Variants in CXADR observed in about 807,000 individuals in gnomAD.
CXADR encodes the protein CXADR cell adhesion molecule, also known as coxsackievirus and adenovirus receptor.
A neutral mutation model predicts 40.3 loss-of-function variants in CXADR; 20 were observed. That is an observed-to-expected ratio of 0.50 (90% CI 0.35 to 0.72). The LOEUF is 0.72. CXADR is among the 30% of genes least tolerant of loss of function. CXADR has a pLI of 0.01. For synonymous variants in CXADR, 150 were observed against 161.3 expected, an observed-to-expected ratio of 0.93 and a Z score of 0.53; for missense variants, 332 against 449.1, an observed-to-expected ratio of 0.74 and a Z score of 2.36.
chr21:17,627,776 T>C, the CXADR span, among the ~76,000 whole-genome samples: 1 of 152,164 alleles, frequency 6.6e-6, no homozygotes, highest in Non-Finnish European at 1.5e-5. Context: ...AGACAAAAGT[T>C]CAGAGCCAGT....
intron 7 of CXADR, among the ~76,000 whole-genome samples, chr21:17,588,055 G>A (rs1163247431): frequency 1.2e-4 from 18 of 151,914 alleles, no homozygotes; most frequent in Non-Finnish European, 1.9e-4. Context: ...GATATGTGGC[G>A]TTATTTCTGA....
chr21:17,521,306 G>A (rs1293702479), intron 1 of CXADR, among the ~76,000 whole-genome samples: 2 of 152,180 alleles, frequency 1.3e-5, no homozygotes, highest in Non-Finnish European at 1.5e-5. Context: ...AGAGGTGAGA[G>A]TGAAGCCAGA....
chr21:17,555,568 C>A (rs1178622710), intron 3 of CXADR, among the ~76,000 whole-genome samples: 1 of 152,118 alleles, frequency 6.6e-6, no homozygotes, highest in Non-Finnish European at 1.5e-5. Context: ...TTACTGTTTT[C>A]CGGTAATGTC....
chr21:17,566,504 A>C lies in CXADR; in HGVS notation c.*812A>C. 1 of 985,420 alleles carries C rather than the reference A, an allele frequency of 1.0e-6. No individual in the cohort carries two copies. Among genetic ancestry groups the C allele is most frequent in the Non-Finnish European group, 1.2e-6 (1 of 829,910 alleles). The allele number at this position is 985,420 out of a possible 1,614,324, so 61.0% of individuals were successfully genotyped here. On this transcript the variant is annotated 3_prime_UTR_variant, in exon 7 of 7. Transcript: ENST00000284878. Reference sequence around the variant, plus strand: ...CTTGAGATCTGTGGTGGTCTTCAAAATGGTGGCCAGCCAGATCAAGGATGT... The same window carrying C: ...CTTGAGATCTGTGGTGGTCTTCAAACTGGTGGCCAGCCAGATCAAGGATGT...
At chr21:17,609,803 C>G in the CXADR span, among the ~76,000 whole-genome samples, 11 of 152,170 alleles carry the variant, frequency 7.2e-5, no homozygotes, top group South Asian at 1.9e-3. Context: ...GTTATACACA[C>G]GTATGGAATA....
intron 5 of CXADR, 127 bp from the exon 6 acceptor site, chr21:17,561,211 A>G: frequency 1.7e-6 from 1 of 592,578 alleles, no homozygotes; most frequent in Non-Finnish European, 2.7e-6. Context: ...CCCCGGATCA[A>G]AAAGACTAAA....
chr21:17,625,626 GT>G, the CXADR span, among the ~76,000 whole-genome samples: 1 of 152,136 alleles, frequency 6.6e-6, no homozygotes, highest in South Asian at 2.1e-4. Context: ...TTATTAATCT[GT>G]GCTAAAATCT....
the CXADR span, among the ~76,000 whole-genome samples, chr21:17,623,952 GTT>G: frequency 6.6e-6 from 1 of 152,142 alleles, no homozygotes; most frequent in Non-Finnish European, 1.5e-5. Flanking sequence ...AATTTCCCTA[GTT>G]CAAGCTGTTG....
At chr21:17,541,210 A>G (rs2060822929) in intron 1 of CXADR, among the ~76,000 whole-genome samples, 1 of 152,092 alleles carries the variant, frequency 6.6e-6, no homozygotes, top group Non-Finnish European at 1.5e-5. Flanking sequence ...AATGGATGAC[A>G]TGCAGCCACC....
chr21:17,584,292 A>G (rs149807253), intron 7 of CXADR, among the ~76,000 whole-genome samples: 2 of 152,354 alleles, frequency 1.3e-5, no homozygotes, highest in African/African-American at 4.8e-5. Context: ...GAAGCCATCA[A>G]TAAATGATGA....
downstream of CXADR, among the ~76,000 whole-genome samples, chr21:17,597,659 A>C (rs1039312648): frequency 5.3e-5 from 8 of 152,134 alleles, no homozygotes; most frequent in African/African-American, 1.4e-4. Flanking sequence ...ACATATACAT[A>C]GAATCCTAAA....
the CXADR span, among the ~76,000 whole-genome samples, chr21:17,621,524 C>A: frequency 3.9e-4 from 60 of 152,284 alleles, no homozygotes; most frequent in Non-Finnish European, 7.4e-4. Flanking sequence ...ATTAATGTGA[C>A]CCCTGCAAAA....
chr21:17,615,193 GC>G, the CXADR span, among the ~76,000 whole-genome samples: 695 of 152,228 alleles, frequency 4.6e-3, 7 homozygotes, highest in African/African-American at 0.016. Flanking sequence ...CTGCTCTCTT[GC>G]CAAGTGAGGA....
At chr21:17,573,272 T>G (rs1415601905), downstream of CXADR, among the ~76,000 whole-genome samples, 1 of 152,138 alleles carries the variant, frequency 6.6e-6, no homozygotes, top group Non-Finnish European at 1.5e-5. Flanking sequence ...AGCAAATCTG[T>G]TTCCAAACAA....
the CXADR span, chr21:17,611,526 C>T: frequency 9.2e-5 from 14 of 152,204 alleles, no homozygotes; most frequent in African/African-American, 3.1e-4. Flanking sequence ...AAAATAAGCC[C>T]ACTCCCACCA....
chr21:17,571,524 T>C (rs966128148), downstream of CXADR, among the ~76,000 whole-genome samples: 2 of 152,268 alleles, frequency 1.3e-5, no homozygotes, highest in African/African-American at 2.4e-5. Context: ...TGAGACAACA[T>C]TGGGTATGAA....
At chr21:17,631,406 G>C in the CXADR span, among the ~76,000 whole-genome samples, 1 of 152,162 alleles carries the variant, frequency 6.6e-6, no homozygotes, top group South Asian at 2.1e-4. Flanking sequence ...TTCGTTTTTA[G>C]CCAAGTATTT....
intron 1 of CXADR, among the ~76,000 whole-genome samples, chr21:17,528,846 C>A (rs1205514839): frequency 6.6e-6 from 1 of 152,102 alleles, no homozygotes; most frequent in African/African-American, 2.4e-5. Flanking sequence ...AACTCTCACA[C>A]CCCTACTGGT....
chr21:17,608,109 G>C, the CXADR span, among the ~76,000 whole-genome samples: 1 of 152,180 alleles, frequency 6.6e-6, no homozygotes, highest in Non-Finnish European at 1.5e-5. Flanking sequence ...GCTCACGCCT[G>C]TAATCCTCAC....
Sources: gnomAD v4.1 joint callset for allele counts (sites outside exome capture counted in the v4.1 genomes callset) on GRCh38, gnomAD v4.1.1 for gene constraint, MANE v1.5 for transcripts, NCBI Gene and HGNC (gene_info 2026-07-23, HGNC 2026-07-21) for gene names.